CECR2: variants seen among roughly 807,000 people sequenced by gnomAD.
The protein encoded by CECR2 is chromatin remodeling regulator CECR2.
Under a neutral mutation model 154.5 loss-of-function variants are expected in CECR2, and 30 were observed. That is an observed-to-expected ratio of 0.19 (90% CI 0.15 to 0.26). The LOEUF (loss-of-function observed/expected upper bound fraction) is 0.26, where lower values mean the gene tolerates loss of function less well. Among genes scored for constraint, CECR2 ranks in the 10% least tolerant of loss-of-function variants. The pLI, the probability that CECR2 is intolerant of heterozygous loss-of-function variation, is 1.00. For synonymous variants in CECR2, 725 were observed against 683.7 expected (o/e 1.06, Z -0.94); for missense variants, 1,743 against 1,829.3 (o/e 0.95, Z 0.86).
intron 1 of CECR2, among the ~76,000 whole-genome samples, chr22:17,401,011 C>T (rs1293067791): frequency 2.0e-5 from 3 of 152,072 alleles, no homozygotes; most frequent in Non-Finnish European, 4.4e-5. Flanking sequence ...AGGAGATTCT[C>T]CTGCCTTGGC....
chr22:17,430,949 A>C (rs1220696525), intron 1 of CECR2, among the ~76,000 whole-genome samples: 2 of 152,206 alleles, frequency 1.3e-5, no homozygotes, highest in African/African-American at 4.8e-5. Flanking sequence ...TTATTTGATC[A>C]CAACAGTGCC....
intron 1 of CECR2, among the ~76,000 whole-genome samples, chr22:17,388,604 G>A (rs1278098241): frequency 6.6e-6 from 1 of 152,190 alleles, no homozygotes; most frequent in Non-Finnish European, 1.5e-5. Context: ...TTAAATTTTA[G>A]CTAGTGTCGT....
intron 1 of CECR2, among the ~76,000 whole-genome samples, chr22:17,405,555 G>T (rs1242601189): frequency 1.4e-5 from 2 of 147,310 alleles, no homozygotes; most frequent in African/African-American, 5.0e-5. Context: ...CAGGAGAATC[G>T]CTTGAACCTA....
At chr22:17,527,789 A>C (rs1305916704) in intron 9 of CECR2, among the ~76,000 whole-genome samples, 1 of 151,644 alleles carries the variant, frequency 6.6e-6, no homozygotes, top group African/African-American at 2.4e-5. Context: ...AAAAAAAAGC[A>C]AACAAGCTTA....
intron 2 of CECR2, among the ~76,000 whole-genome samples, chr22:17,489,112 T>G (rs2055478147): frequency 6.9e-6 from 1 of 145,802 alleles, no homozygotes; most frequent in South Asian, 2.1e-4. Context: ...TTTTTTGTAT[T>G]TAGTAGAGAC....
In CECR2 at chr22:17,549,284, T is replaced by C. The variant is rs1399142285; in HGVS notation, c.3997T>C (p.Ser1333Pro). 1 of 1,613,974 alleles carries C rather than the reference T, an allele frequency of 6.2e-7. No individual in the cohort carries two copies. The highest frequency in any genetic ancestry group is 8.5e-7 in the Non-Finnish European group (1 of 1,179,898). ...TCTGAGTTCAGGAATGGGATTTGGT[T>C]CATCTGCATTTCCACCCCACAGTGT... is the stretch of plus-strand genomic sequence containing the variant. ...PPLSSGMGFGSSAFPPHSVML... is the reference protein window; with the variant it reads ...PPLSSGMGFGPSAFPPHSVML... The change falls in exon 17 of 19, where the codon TCA becomes CCA. Residue 1333 changes from serine to proline, a missense_variant. Coordinates refer to ENST00000262608, the MANE Select transcript of CECR2 (RefSeq NM_001290047.2).
chr22:17,538,534 A>C lies in CECR2; in HGVS notation c.1253A>C (p.Asp418Ala), dbSNP rs778269475. Residue 418 changes from aspartate to alanine, a missense_variant, in exon 11 of 19, where the codon GAT becomes GCT. Physicochemically the swap from Asp to Ala is moderately radical, Grantham distance 126 (BLOSUM62 -2). This residue lies in a region of CECR2 where 292 missense variants were observed against 301.2 expected (regional missense o/e 0.97). Coordinates refer to ENST00000262608, the MANE Select transcript of CECR2 (RefSeq NM_001290047.2). ...GTGATTTACAGCTTTGAGTTGGATG[A>C]TGATTTCACTGCTATGTATAAAGGT... ...KKTKDLFELD[D>A]DFTAMYKVLD... 6 of 1,613,844 alleles carry C rather than the reference A, an allele frequency of 3.7e-6. No homozygotes were observed. Among genetic ancestry groups the C allele is most frequent in the Non-Finnish European group, 4.2e-6 (5 of 1,179,746 alleles).
chr22:17,426,885 C>CT (rs1339462222), intron 1 of CECR2, among the ~76,000 whole-genome samples: 1 of 151,700 alleles, frequency 6.6e-6, no homozygotes, highest in East Asian at 1.9e-4. Flanking sequence ...TTAAATTATA[C>CT]TTTAAGTTCT....
chr22:17,532,146 G>A lies in CECR2; in HGVS notation c.1109-4957G>A, dbSNP rs533365120. Reference sequence around the variant, plus strand: ...GGTTGTGCACAGCACTCCAGCCTGGGCAACAGCAAGACCCTGTCTCAAAAA... The same window carrying A: ...GGTTGTGCACAGCACTCCAGCCTGGACAACAGCAAGACCCTGTCTCAAAAA... On this transcript the variant is annotated intron_variant, in intron 9 of 18. Coordinates refer to ENST00000262608, the MANE Select transcript of CECR2 (RefSeq NM_001290047.2). Among the ~76,000 whole-genome samples the A allele has an allele frequency of 7.9e-5, 12 of 152,268 alleles. No individual in the cohort carries two copies. The South Asian group carries it at 1.0e-3, about 13-fold the overall frequency.
chr22:17,552,182 A>G, intron 18 of CECR2, 40 bp downstream of exon 18: 1 of 1,546,530 alleles, frequency 6.5e-7, no homozygotes, highest in Non-Finnish European at 8.9e-7. Context: ...TTCTTCCTCC[A>G]GGTGGTAGGA....
At chr22:17,368,704 G>C (rs1219778961), upstream of CECR2, among the ~76,000 whole-genome samples, 1 of 152,108 alleles carries the variant, frequency 6.6e-6, no homozygotes, top group African/African-American at 2.4e-5. Flanking sequence ...CACTCTTCCA[G>C]GCAGCTCTTT....
rs940617174 is a variant in CECR2, at chr22:17,502,974, A to G, written c.651-108A>G. On this transcript the variant is annotated intron_variant, in intron 5 of 18. Transcript: ENST00000262608. ...AGCCTTGTCCCCTTAACACACACAC[A>G]TACACTCTCTTTGTGTTAAATTAAT... 2.2e-5 allele frequency: 20 copies of G among 929,228 alleles called. No individual in the cohort carries two copies. The African/African-American group carries it at 2.8e-4, about 13-fold the overall frequency. 57.6% of individuals were successfully genotyped at this position (929,228 alleles called of 1,614,324 possible).
chr22:17,535,317 C>CA lies in CECR2; in HGVS notation c.1109-1773dup, dbSNP rs556845647. Among the ~76,000 whole-genome samples the CA allele has an allele frequency of 7.3e-3, 1,036 of 141,456 alleles. 10 individuals carry two copies. The highest frequency in any genetic ancestry group is 0.021 in the African/African-American group (837 of 39,006). 92.8% of individuals were successfully genotyped at this position (141,456 alleles called of 152,430 possible). A position where few individuals can be genotyped will look rare whatever the true frequency, so the allele number is the denominator to read the frequency against. On this transcript the variant is annotated intron_variant, in intron 9 of 18. Transcript: ENST00000262608. ...TGGGCAACAGAGTGAGACTCCATCT[C>CA]AAAAAAAAAAAAATTCTGTAACCTC...
chr22:17,476,204 G>A (rs1319304774), intron 1 of CECR2, among the ~76,000 whole-genome samples: 2 of 150,802 alleles, frequency 1.3e-5, no homozygotes, highest in Non-Finnish European at 2.9e-5. Context: ...CACAGCAGAA[G>A]TAACCCTTTT....
intron 1 of CECR2, among the ~76,000 whole-genome samples, chr22:17,455,042 C>T (rs1013631451): frequency 1.3e-5 from 2 of 152,084 alleles, no homozygotes; most frequent in Admixed American, 6.5e-5. Flanking sequence ...GTATTTGTCC[C>T]GATTGGCTAG....
chr22:17,522,113 C>G (rs1443803087), intron 8 of CECR2, among the ~76,000 whole-genome samples: 2 of 152,076 alleles, frequency 1.3e-5, no homozygotes, highest in Non-Finnish European at 2.9e-5. Context: ...TGGTCTATAT[C>G]TCTGTTTTGG....
intron 1 of CECR2, among the ~76,000 whole-genome samples, chr22:17,462,279 C>T (rs543311544): frequency 2.8e-4 from 43 of 151,966 alleles, no homozygotes; most frequent in South Asian, 2.1e-3. Context: ...TGGCGGGCGC[C>T]TGTAGTCCCA....
At chr22:17,415,596 C>T (rs1050963544) in intron 1 of CECR2, among the ~76,000 whole-genome samples, 3 of 152,266 alleles carry the variant, frequency 2.0e-5, no homozygotes, top group African/African-American at 7.2e-5. Context: ...TTGGTATTTA[C>T]ACCATGCATT....
At chr22:17,370,402 G>C (rs1268697822) in intron 1 of CECR2, among the ~76,000 whole-genome samples, 2 of 151,496 alleles carry the variant, frequency 1.3e-5, no homozygotes, top group East Asian at 3.9e-4. Flanking sequence ...CCGCTCTGGC[G>C]GGCGGGCGCG....
Sources: gnomAD v4.1 joint callset for allele counts (sites outside exome capture counted in the v4.1 genomes callset) on GRCh38, gnomAD v4.1.1 for gene constraint, gnomAD v4.1.1 regional missense constraint, MANE v1.5 for transcripts, NCBI Gene and HGNC (gene_info 2026-07-23, HGNC 2026-07-21) for gene names.